The following ZHX2 variants were observed in gnomAD, a reference collection of about 807,000 sequenced individuals.
ZHX2 encodes the protein zinc fingers and homeoboxes 2.
A neutral mutation model predicts 21.9 loss-of-function variants in ZHX2; 6 were observed. The observed-to-expected ratio is 0.27, with a 90% CI of 0.15 to 0.54. The LOEUF is 0.54. Among genes scored for constraint, ZHX2 ranks in the 20% least tolerant of loss-of-function variants. The pLI is 0.95. For missense variants in ZHX2, 908 were observed against 1,090.7 expected, an observed-to-expected ratio of 0.83 and a Z score of 2.36; for synonymous variants, 434 against 437.1, an observed-to-expected ratio of 0.99 and a Z score of 0.09.
intron 2 of ZHX2, among the ~76,000 whole-genome samples, chr8:122,864,674 G>A (rs1819244571): frequency 2.0e-5 from 3 of 152,096 alleles, no homozygotes; most frequent in African/African-American, 4.8e-5. Context: ...AGGCAAAAGC[G>A]GGTGTGGTCC....
intron 2 of ZHX2, among the ~76,000 whole-genome samples, chr8:122,937,499 C>T (rs538595101): frequency 2.0e-5 from 3 of 152,298 alleles, no homozygotes; most frequent in South Asian, 4.1e-4. Flanking sequence ...CTCCAAAAAT[C>T]ATCCAGCTCA....
At chr8:122,960,517 C>A (rs1171598009) in intron 3 of ZHX2, among the ~76,000 whole-genome samples, 2 of 151,994 alleles carry the variant, frequency 1.3e-5, no homozygotes, top group African/African-American at 2.4e-5. Flanking sequence ...CAACTTGGGG[C>A]ACAGAGCAAG....
intron 2 of ZHX2, among the ~76,000 whole-genome samples, chr8:122,909,000 T>G (rs1820413606): frequency 6.6e-6 from 1 of 152,234 alleles, no homozygotes; most frequent in Non-Finnish European, 1.5e-5. Flanking sequence ...TAACTTGTTC[T>G]ATAATTTAGA....
At chr8:122,820,128 T>G (rs916047084) in intron 1 of ZHX2, among the ~76,000 whole-genome samples, 8 of 152,200 alleles carry the variant, frequency 5.3e-5, no homozygotes, top group African/African-American at 1.7e-4. Context: ...TTTTTTTCCT[T>G]GCCATTCTTA....
At chr8:122,792,009 A>G (rs1176858086) in intron 1 of ZHX2, among the ~76,000 whole-genome samples, 2 of 152,230 alleles carry the variant, frequency 1.3e-5, no homozygotes, top group Admixed American at 6.5e-5. Context: ...CTTTAAGTGT[A>G]CAATTTATTG....
chr8:122,915,181 T>C (rs944836415), intron 2 of ZHX2, among the ~76,000 whole-genome samples: 17 of 152,174 alleles, frequency 1.1e-4, no homozygotes, highest in African/African-American at 3.9e-4. Context: ...GAAGGGGCCA[T>C]ACAGCTGTGA....
intron 1 of ZHX2, among the ~76,000 whole-genome samples, chr8:122,846,520 C>T (rs1818754058): frequency 6.6e-6 from 1 of 151,270 alleles, no homozygotes; most frequent in African/African-American, 2.4e-5. Flanking sequence ...CCCCCGATGT[C>T]CTACCTTCTA....
intron 1 of ZHX2, among the ~76,000 whole-genome samples, chr8:122,838,716 T>C (rs1013601261): frequency 2.0e-5 from 3 of 151,748 alleles, no homozygotes; most frequent in African/African-American, 7.3e-5. Flanking sequence ...TAGCTGGGAC[T>C]ACAAGCACGT....
At chr8:122,858,813 G>A (rs1032385116) in intron 1 of ZHX2, among the ~76,000 whole-genome samples, 5 of 151,958 alleles carry the variant, frequency 3.3e-5, no homozygotes, top group African/African-American at 1.2e-4. Flanking sequence ...GCTAATTTTT[G>A]TATTTTTAGT....
At position 122,863,207 on chromosome 8, in the gene ZHX2, G is replaced by C. The variant is rs555314452; in HGVS notation, c.-282-270G>C. 8.6e-5 allele frequency among the ~76,000 whole-genome samples: 13 copies of C among 151,108 alleles called. No individual in the cohort carries two copies. In the East Asian group the frequency reaches 2.3e-3, roughly 27 times the overall value. The stretch of plus-strand genomic sequence containing the variant: ...ATCCGCCGATTTTGCCTTTCATTTC[G>C]CTCTTCTAGAAAGCCTGCTTTTCCA... On this transcript the variant is annotated intron_variant, in intron 1 of 3. Transcript: ENST00000314393.
intron 2 of ZHX2, among the ~76,000 whole-genome samples, chr8:122,911,133 T>C (rs1170132664): frequency 6.6e-6 from 1 of 152,158 alleles, no homozygotes; most frequent in African/African-American, 2.4e-5. Flanking sequence ...TCATAAAACA[T>C]ACTTCTCACT....
At chr8:122,842,915 C>T (rs897972517) in intron 1 of ZHX2, among the ~76,000 whole-genome samples, 2 of 152,224 alleles carry the variant, frequency 1.3e-5, no homozygotes, top group African/African-American at 4.8e-5. Flanking sequence ...CTGGGCCTCA[C>T]CCCCAGAATC....
In ZHX2 at chr8:122,952,160, G is replaced by A. The variant is rs756368144; in HGVS notation, c.650G>A (p.Arg217His). Residue 217 changes from arginine (R) to histidine (H), a missense_variant, in exon 3 of 4, where the codon CGC becomes CAC. Coordinates refer to ENST00000314393, the MANE Select transcript of ZHX2 (RefSeq NM_014943.5). This position sits in a 1 kb window ranked among gnomAD's most constrained non-coding sequence, Gnocchi z 6.9. The stretch of plus-strand genomic sequence containing the variant: ...GAGAACCACGTGGAAGGGACCGCCC[G>A]CCTGGTGACAGACACAGCTGAGATC... ...TPENHVEGTA[R>H]LVTDTAEILS... The A allele has an allele frequency of 3.0e-5, 49 of 1,612,884 alleles. No homozygotes were observed. Among genetic ancestry groups the A allele is most frequent in the Middle Eastern group, 3.3e-4 (2 of 6,084 alleles).
At chr8:122,784,903 C>A (rs1817362761) in intron 1 of ZHX2, among the ~76,000 whole-genome samples, 1 of 152,212 alleles carries the variant, frequency 6.6e-6, no homozygotes, top group Non-Finnish European at 1.5e-5. Context: ...AGCGCATAAC[C>A]AGATGTATGG....
At chr8:122,922,742 T>C (rs1820769070) in intron 2 of ZHX2, among the ~76,000 whole-genome samples, 1 of 152,198 alleles carries the variant, frequency 6.6e-6, no homozygotes, top group Non-Finnish European at 1.5e-5. Context: ...CTATGGTACT[T>C]GGGTGTATTG....
chr8:122,812,111 G>A (rs1051313379), intron 1 of ZHX2: 6 of 152,362 alleles, frequency 3.9e-5, no homozygotes, highest in African/African-American at 1.4e-4. Context: ...GGAGGAGTGA[G>A]CCATGGGGCT....
chr8:122,816,668 C>G (rs1818042408), intron 1 of ZHX2, among the ~76,000 whole-genome samples: 1 of 151,686 alleles, frequency 6.6e-6, no homozygotes, highest in Non-Finnish European at 1.5e-5. Context: ...AACGAAAGTG[C>G]CTAGGGCTTA....
chr8:122,931,071 G>A (rs1820979676), intron 2 of ZHX2, among the ~76,000 whole-genome samples: 1 of 152,172 alleles, frequency 6.6e-6, no homozygotes, highest in African/African-American at 2.4e-5. Flanking sequence ...CCCAGCCTAT[G>A]TACCTTTGCA....
intron 2 of ZHX2, among the ~76,000 whole-genome samples, chr8:122,879,546 A>G (rs1348738823): frequency 6.6e-6 from 1 of 150,380 alleles, no homozygotes; most frequent in Non-Finnish European, 1.5e-5. Context: ...TTTTCATATA[A>G]CTCAATACTT....
Sources: allele counts gnomAD v4.1 joint callset (sites outside exome capture counted in the v4.1 genomes callset), GRCh38; gene constraint gnomAD v4.1.1; non-coding constraint Gnocchi (gnomAD v3.1); transcripts MANE v1.5; gene names NCBI Gene and HGNC (gene_info 2026-07-23, HGNC 2026-07-21).